Variants in EDIL3 observed in about 807,000 individuals in gnomAD.
EDIL3 encodes EGF like and discoidin domains 3.
EDIL3 carries 37 observed loss-of-function variants against 67.4 expected under a neutral mutation model. The ratio of observed to expected loss-of-function variants is 0.55; its 90% CI spans 0.42 to 0.72. EDIL3 has a LOEUF of 0.72. Among genes scored for constraint, EDIL3 ranks in the 30% least tolerant of loss-of-function variants. EDIL3 has a pLI of 0.00. For missense variants in EDIL3, 527 were observed against 586.3 expected, an observed-to-expected ratio of 0.90 and a Z score of 1.04; for synonymous variants, 195 against 196.3, an observed-to-expected ratio of 0.99 and a Z score of 0.05.
At chr5:84,289,740 A>C (rs1231787371) in intron 1 of EDIL3, among the ~76,000 whole-genome samples, 9 of 152,174 alleles carry the variant, frequency 5.9e-5, no homozygotes, top group African/African-American at 1.7e-4. Flanking sequence ...TCCTTTGACT[A>C]ACCTCTCTGG....
chr5:84,317,610 C>A (rs1746542047), intron 1 of EDIL3, among the ~76,000 whole-genome samples: 2 of 152,030 alleles, frequency 1.3e-5, no homozygotes, highest in Middle Eastern at 6.8e-3. Flanking sequence ...TAATAGCCTA[C>A]CAACCAAAAA....
chr5:84,254,241 C>T (rs1043872520), intron 1 of EDIL3, 29 bp from the exon 2 acceptor site: 22 of 1,582,732 alleles, frequency 1.4e-5, no homozygotes, highest in Non-Finnish European at 1.9e-5. Flanking sequence ...CCGAAATTGA[C>T]ATTTTTTTTT....
intron 9 of EDIL3, among the ~76,000 whole-genome samples, chr5:84,018,013 C>G (rs1275893158): frequency 6.6e-6 from 1 of 152,130 alleles, no homozygotes; most frequent in Non-Finnish European, 1.5e-5. Flanking sequence ...TGGACATGAC[C>G]TTTCTTTCGC....
At chr5:84,325,183 A>G (rs573740119) in intron 1 of EDIL3, among the ~76,000 whole-genome samples, 2 of 152,016 alleles carry the variant, frequency 1.3e-5, no homozygotes, top group Admixed American at 1.3e-4. Context: ...ATCAGCGGAG[A>G]ATTTTATCCA....
At chr5:84,143,954 T>C (rs1224913310) in intron 4 of EDIL3, among the ~76,000 whole-genome samples, 1 of 152,014 alleles carries the variant, frequency 6.6e-6, no homozygotes, top group African/African-American at 2.4e-5. Flanking sequence ...TACCAGTGAG[T>C]CCCTTGCTTG....
At chr5:84,240,990 A>G (rs910233185) in intron 2 of EDIL3, among the ~76,000 whole-genome samples, 4 of 152,206 alleles carry the variant, frequency 2.6e-5, no homozygotes, top group Non-Finnish European at 5.9e-5. Flanking sequence ...CATAATGTCT[A>G]CAGATTAAAT....
At chr5:84,371,722 TAAAG>T (rs1210338262) in intron 1 of EDIL3, among the ~76,000 whole-genome samples, 9 of 151,446 alleles carry the variant, frequency 5.9e-5, no homozygotes, top group Non-Finnish European at 1.2e-4. Flanking sequence ...TTATACTAAA[TAAAG>T]AATGAAAAAA....
intron 9 of EDIL3, among the ~76,000 whole-genome samples, chr5:83,978,422 A>G (rs980289293): frequency 1.3e-5 from 2 of 151,968 alleles, no homozygotes; most frequent in Non-Finnish European, 2.9e-5. Flanking sequence ...AAAGATATCA[A>G]TTTACTCTAA....
At chr5:84,164,946 C>T (rs1455033809) in intron 4 of EDIL3, among the ~76,000 whole-genome samples, 2 of 151,868 alleles carry the variant, frequency 1.3e-5, no homozygotes, top group Non-Finnish European at 2.9e-5. Flanking sequence ...GCGATAAGGG[C>T]AAGGGCTTTC....
At chr5:84,331,210 G>A (rs367545371) in intron 1 of EDIL3, among the ~76,000 whole-genome samples, 1 of 152,300 alleles carries the variant, frequency 6.6e-6, no homozygotes, top group South Asian at 2.1e-4. Flanking sequence ...TTCGGACATG[G>A]ACTTTTGAGT....
intron 5 of EDIL3, among the ~76,000 whole-genome samples, chr5:84,129,837 CAT>C (rs1747930149): frequency 6.6e-6 from 1 of 152,048 alleles, no homozygotes. Flanking sequence ...CATGGTTTGG[CAT>C]GGACAGATCA....
chr5:84,106,898 G>C (rs973549292), intron 5 of EDIL3, 68 bp from the exon 6 acceptor site: 1 of 1,445,800 alleles, frequency 6.9e-7, no homozygotes, highest in Non-Finnish European at 9.2e-7. Context: ...GTGTCTGTTC[G>C]ATTTGATAGG....
intron 1 of EDIL3, among the ~76,000 whole-genome samples, chr5:84,267,601 T>A (rs1462010541): frequency 6.6e-6 from 1 of 152,196 alleles, no homozygotes. Context: ...GGCCACAGCA[T>A]ATGAATCATC....
At chr5:84,222,030 G>A (rs1438603871) in intron 3 of EDIL3, among the ~76,000 whole-genome samples, 2 of 151,848 alleles carry the variant, frequency 1.3e-5, no homozygotes, top group African/African-American at 4.8e-5. Context: ...AATAAATTGA[G>A]CATAGTCAGC....
At chr5:84,172,067 A>T (rs1259883592) in intron 4 of EDIL3, among the ~76,000 whole-genome samples, 1 of 152,134 alleles carries the variant, frequency 6.6e-6, no homozygotes, top group Non-Finnish European at 1.5e-5. Flanking sequence ...TCATATGCAC[A>T]GCAAGTGTGA....
chr5:84,249,389 A>G (rs867988501), intron 2 of EDIL3, among the ~76,000 whole-genome samples: 1 of 141,634 alleles, frequency 7.1e-6, no homozygotes, highest in Non-Finnish European at 1.5e-5. Context: ...CTATCTATCT[A>G]TCTATCTATC....
At chr5:84,266,998 C>A (rs1342481331) in intron 1 of EDIL3, among the ~76,000 whole-genome samples, 1 of 152,108 alleles carries the variant, frequency 6.6e-6, no homozygotes, top group Non-Finnish European at 1.5e-5. Context: ...ATGTGATAAA[C>A]CTCATTTTAC....
intron 9 of EDIL3, among the ~76,000 whole-genome samples, chr5:84,041,462 A>G (rs2035815232): frequency 6.6e-6 from 1 of 151,412 alleles, no homozygotes; most frequent in African/African-American, 2.4e-5. Context: ...TCCCACTGAG[A>G]TCTTTAAAGC....
chr5:83,959,125 A>C (rs538122698), intron 10 of EDIL3, among the ~76,000 whole-genome samples: 1 of 150,226 alleles, frequency 6.7e-6, no homozygotes, highest in South Asian at 2.1e-4. Context: ...TCTTCAGTTG[A>C]CTTTTGGCAT....
Sources: gnomAD v4.1 joint callset for allele counts (sites outside exome capture counted in the v4.1 genomes callset) on GRCh38, gnomAD v4.1.1 for gene constraint, MANE v1.5 for transcripts, NCBI Gene and HGNC (gene_info 2026-07-23, HGNC 2026-07-21) for gene names.